Variants in STRN observed in about 807,000 individuals in gnomAD.
The protein encoded by STRN is striatin, also known as protein phosphatase 2 regulatory subunit B'''alpha.
STRN carries 53 observed loss-of-function variants against 96.3 expected under a neutral mutation model. The ratio of observed to expected loss-of-function variants is 0.55; its 90% CI spans 0.44 to 0.69. STRN has a LOEUF of 0.69. Ranked by LOEUF, STRN falls within the 30% of genes least tolerant of loss-of-function variation. The pLI is 0.00. For synonymous variants in STRN, 428 were observed against 355.9 expected, an observed-to-expected ratio of 1.20 and a Z score of -2.28; for missense variants, 987 against 963.9, an observed-to-expected ratio of 1.02 and a Z score of -0.32.
At chr2:36,873,911 C>A (rs577748830) in intron 10 of STRN, among the ~76,000 whole-genome samples, 27 of 146,060 alleles carry the variant, frequency 1.8e-4, no homozygotes, top group African/African-American at 6.1e-4. Context: ...CCACTGCACT[C>A]CAGTCTGGCG....
At chr2:36,951,463 G>A (rs1279317887) in intron 1 of STRN, among the ~76,000 whole-genome samples, 1 of 152,174 alleles carries the variant, frequency 6.6e-6, no homozygotes. Context: ...GCAGCAAAAG[G>A]GACAGATACA....
Position 36,947,854 on chromosome 2 carries a change from G to T in STRN, c.234+18376C>A, listed in dbSNP as rs1057194897. On this transcript the variant is annotated intron_variant, in intron 1 of 17. Coordinates refer to ENST00000263918, the MANE Select transcript of STRN (RefSeq NM_003162.4). The stretch of plus-strand genomic sequence containing the variant: ...GTAAGTACTGATCCCAAGACAGTAA[G>T]TATTTTTTTCAAATATTTCTATTTA... 2.0e-5 allele frequency among the ~76,000 whole-genome samples: 3 copies of T among 151,628 alleles called. No individual in the cohort carries two copies. The East Asian group carries it at 5.8e-4, about 29-fold the overall frequency.
chr2:36,867,725 A>C, intron 12 of STRN, 89 bp downstream of exon 12: 1 of 839,404 alleles, frequency 1.2e-6, no homozygotes, highest in Non-Finnish European at 1.8e-6. Context: ...AATACAAAGA[A>C]TACCTAGTAA....
At position 36,867,843 on chromosome 2, in the gene STRN, T is replaced by A. The variant is rs200873650; in HGVS notation, c.1518A>T (p.Val506=). ...APAKKSTSLD[V]EPIYTFRAHK... ...GGGCTCTGAATGTATAGATAGGTTC[T>A]ACATCAAGAGAAGTGCTCCTAAATC... The change falls in exon 12 of 18, where the codon GTA becomes GTT. Residue 506 remains valine, a synonymous_variant. Transcript: ENST00000263918. 1.1e-5 allele frequency: 17 copies of A among 1,594,310 alleles called. No homozygotes were observed. The East Asian group carries it at 3.9e-4, about 36-fold the overall frequency.
chr2:36,898,663 G>A (rs1669605342), intron 6 of STRN, among the ~76,000 whole-genome samples: 1 of 152,116 alleles, frequency 6.6e-6, no homozygotes, highest in East Asian at 1.9e-4. Context: ...AAAAAACTAA[G>A]CCTGAAGCAT....
intron 12 of STRN, among the ~76,000 whole-genome samples, chr2:36,863,676 T>C (rs773070803): frequency 3.9e-5 from 6 of 152,220 alleles, no homozygotes; most frequent in Non-Finnish European, 8.8e-5. Flanking sequence ...ATTTTAAACA[T>C]TTTTTCTAAT....
At chr2:36,855,894 T>C (rs374693559) in intron 14 of STRN, among the ~76,000 whole-genome samples, 1 of 152,102 alleles carries the variant, frequency 6.6e-6, no homozygotes, top group African/African-American at 2.4e-5. Flanking sequence ...CTAGAATACA[T>C]GAAAACTTAG....
intron 3 of STRN, among the ~76,000 whole-genome samples, chr2:36,906,482 T>A (rs1480090167): frequency 6.6e-6 from 1 of 151,830 alleles, no homozygotes; most frequent in Non-Finnish European, 1.5e-5. Flanking sequence ...AATGAATGAA[T>A]GAATGAATGA....
intron 1 of STRN, among the ~76,000 whole-genome samples, chr2:36,937,572 G>A (rs1474900296): frequency 6.6e-6 from 1 of 151,702 alleles, no homozygotes; most frequent in Non-Finnish European, 1.5e-5. Flanking sequence ...TGGTTGGGAG[G>A]CTCAAGTGGG....
chr2:36,865,532 C>T (rs1668598707), intron 12 of STRN, among the ~76,000 whole-genome samples: 1 of 151,686 alleles, frequency 6.6e-6, no homozygotes, highest in African/African-American at 2.4e-5. Context: ...GTTGGTTTTT[C>T]TCTTGTGTGT....
chr2:36,922,848 G>C (rs1670297229), intron 2 of STRN, among the ~76,000 whole-genome samples: 1 of 152,174 alleles, frequency 6.6e-6, no homozygotes, highest in Non-Finnish European at 1.5e-5. Context: ...TCATCTTCCA[G>C]ATGAAAATAA....
chr2:36,884,519 C>T lies in STRN; in HGVS notation c.1043-444G>A, dbSNP rs190259987. Reference sequence around the variant, plus strand: ...AGTCTCATGCCCTACCGATTACTTACCTAAACTTTGATTCTTCATTCTCCC... The same window carrying T: ...AGTCTCATGCCCTACCGATTACTTATCTAAACTTTGATTCTTCATTCTCCC... On this transcript the variant is annotated intron_variant, in intron 8 of 17. Transcript: ENST00000263918. Among the ~76,000 whole-genome samples, 5 of 152,240 alleles carry T rather than the reference C, an allele frequency of 3.3e-5. No individual in the cohort carries two copies. The East Asian group carries it at 9.6e-4, about 29-fold the overall frequency.
intron 5 of STRN, 68 bp from the exon 6 acceptor site, chr2:36,899,726 T>G: frequency 1.4e-6 from 2 of 1,385,770 alleles, no homozygotes; most frequent in Non-Finnish European, 1.9e-6. Flanking sequence ...TAACCCATGA[T>G]ATGTTACATC....
chr2:36,966,163 G>A (rs1283884903), intron 1 of STRN, 67 bp downstream of exon 1: 2 of 1,381,526 alleles, frequency 1.4e-6, no homozygotes, highest in Non-Finnish European at 1.9e-6. Context: ...GGGGGAGAAG[G>A]GTCCGGGGCG....
Position 36,966,451 on chromosome 2 carries a change from C to G in STRN, c.13G>C (p.Ala5Pro), listed in dbSNP as rs1235595636. 15 of 1,463,158 alleles carry G rather than the reference C, an allele frequency of 1.0e-5. No homozygotes were observed. The highest frequency in any genetic ancestry group is 1.3e-5 in the Non-Finnish European group (14 of 1,109,280). 90.6% of individuals were successfully genotyped at this position (1,463,158 alleles called of 1,614,324 possible). MDEQ[A>P]GPGVFFSNNH... ...TTGCTGAAGAAGACGCCGGGACCCG[C>G]CTGCTCGTCCATGGCGGCCGCAGAT... The change falls in exon 1 of 18, where the codon GCG (alanine) becomes CCG (proline). Residue 5 changes from alanine (A) to proline (P), a missense_variant. Physicochemically the swap from Ala to Pro is conservative, Grantham distance 27. Transcript: ENST00000263918.
intron 10 of STRN, among the ~76,000 whole-genome samples, chr2:36,869,937 G>A (rs557020992): frequency 3.9e-5 from 6 of 152,094 alleles, no homozygotes; most frequent in African/African-American, 1.4e-4. Flanking sequence ...AATATGAAAG[G>A]TGTATTACAA....
chr2:36,915,656 G>A (rs1451726099), intron 3 of STRN, among the ~76,000 whole-genome samples: 1 of 152,146 alleles, frequency 6.6e-6, no homozygotes, highest in Admixed American at 6.5e-5. Flanking sequence ...TTATGTTTTT[G>A]GGATGAGGAA....
At chr2:36,937,759 T>C (rs1413705081) in intron 1 of STRN, among the ~76,000 whole-genome samples, 1 of 151,650 alleles carries the variant, frequency 6.6e-6, no homozygotes, top group Non-Finnish European at 1.5e-5. Flanking sequence ...CATATTCATT[T>C]GAGAGCAACT....
At chr2:36,867,893 A>AAGTGTC (rs1480346262) in intron 11 of STRN, 32 bp from the exon 12 acceptor site, 2 of 1,522,994 alleles carry the variant, frequency 1.3e-6, no homozygotes, top group Non-Finnish European at 1.8e-6. Context: ...TTACCATTCT[A>AAGTGTC]AGTGTCAGTA....
Sources: gnomAD v4.1 joint callset for allele counts (sites outside exome capture counted in the v4.1 genomes callset) on GRCh38, gnomAD v4.1.1 for gene constraint, MANE v1.5 for transcripts, NCBI Gene and HGNC (gene_info 2026-07-23, HGNC 2026-07-21) for gene names.